The following MICU1 variants were observed in gnomAD, a reference collection of about 807,000 sequenced individuals.
The protein encoded by MICU1 is mitochondrial calcium uptake 1.
Under a neutral mutation model 56.8 loss-of-function variants are expected in MICU1, and 45 were observed. The observed-to-expected ratio is 0.79, with a 90% CI of 0.62 to 1.02. The LOEUF is 1.02. Among genes scored for constraint, MICU1 ranks in the 50% least tolerant of loss-of-function variants. The probability of loss-of-function intolerance (pLI) is 0.00; values close to 1 mark genes in which losing one functional copy is unlikely to be tolerated. For synonymous variants in MICU1, 186 were observed against 195.1 expected (o/e 0.95, Z 0.39); for missense variants, 504 against 587.1 (o/e 0.86, Z 1.46).
intron 8 of MICU1, among the ~76,000 whole-genome samples, chr10:72,462,373 T>C (rs900693795): frequency 5.9e-5 from 9 of 152,064 alleles, no homozygotes; most frequent in African/African-American, 1.4e-4. Flanking sequence ...TTCTGACTTA[T>C]GATGGATTTA....
intron 1 of MICU1, among the ~76,000 whole-genome samples, chr10:72,598,830 C>G (rs1348288999): frequency 6.6e-6 from 1 of 152,054 alleles, no homozygotes; most frequent in Non-Finnish European, 1.5e-5. Flanking sequence ...AGCATTCTAC[C>G]AGCCCCATGA....
At chr10:72,388,470 C>A (rs888946252) in intron 10 of MICU1, among the ~76,000 whole-genome samples, 3 of 152,066 alleles carry the variant, frequency 2.0e-5, no homozygotes, top group Non-Finnish European at 4.4e-5. Flanking sequence ...CTATGCAGGA[C>A]AAGAAGCTAG....
intron 5 of MICU1, 167 bp from the exon 6 acceptor site, chr10:72,508,436 T>C (rs764255278): frequency 3.0e-5 from 12 of 402,900 alleles, no homozygotes; most frequent in Non-Finnish European, 4.9e-5. Context: ...TTCAAGATGA[T>C]GAAAATTTTA....
chr10:72,625,331 G>A (rs1433764739), intron 1 of MICU1, among the ~76,000 whole-genome samples: 1 of 152,128 alleles, frequency 6.6e-6, no homozygotes, highest in African/African-American at 2.4e-5. Flanking sequence ...TCAACCATAA[G>A]ATTACAGAGA....
chr10:72,419,602 A>G (rs915810017), intron 9 of MICU1, among the ~76,000 whole-genome samples: 1 of 152,236 alleles, frequency 6.6e-6, no homozygotes, highest in African/African-American at 2.4e-5. Context: ...CTATGCATGC[A>G]ACATTTCTTG....
At chr10:72,616,667 A>G (rs894156452) in intron 1 of MICU1, among the ~76,000 whole-genome samples, 1 of 150,910 alleles carries the variant, frequency 6.6e-6, no homozygotes, top group African/African-American at 2.4e-5. Flanking sequence ...AAAAAAAAAA[A>G]CACACTATTC....
chr10:72,446,735 A>G (rs912133366), intron 8 of MICU1, among the ~76,000 whole-genome samples: 1 of 152,200 alleles, frequency 6.6e-6, no homozygotes, highest in African/African-American at 2.4e-5. Context: ...TAATAAAATA[A>G]TAGTGTCTCA....
chr10:72,445,814 C>A (rs1339363463), intron 8 of MICU1, among the ~76,000 whole-genome samples: 1 of 152,172 alleles, frequency 6.6e-6, no homozygotes. Context: ...AGTATAAAAG[C>A]AGTACCTCCC....
At chr10:72,583,237 T>C (rs572243456) in intron 1 of MICU1, among the ~76,000 whole-genome samples, 57 of 150,610 alleles carry the variant, frequency 3.8e-4, no homozygotes, top group African/African-American at 1.3e-3. Flanking sequence ...TTACTTAGGG[T>C]AGGAAAGCGC....
Position 72,421,185 on chromosome 10 carries a change from C to T in MICU1, c.1071+2049G>A, listed in dbSNP as rs79032589. On this transcript the variant is annotated intron_variant, in intron 9 of 11. Coordinates refer to ENST00000361114, the MANE Select transcript of MICU1 (RefSeq NM_001195518.2). ...GATGAGGACTGACCTTTTAACTGGT[C>T]TCTGCTTCTGTTTGTTCATCTCTCT... Among the ~76,000 whole-genome samples, 1,547 of 151,518 alleles carry T rather than the reference C, an allele frequency of 0.01. 83 individuals carry two copies. In the South Asian group the frequency reaches 0.16, roughly 16 times the overall value.
At chr10:72,480,053 C>T (rs918898082) in intron 6 of MICU1, among the ~76,000 whole-genome samples, 1 of 152,096 alleles carries the variant, frequency 6.6e-6, no homozygotes, top group Non-Finnish European at 1.5e-5. Context: ...TCTCCAGCTA[C>T]TGTGTGAAGA....
At chr10:72,594,256 G>A (rs1841310489) in intron 1 of MICU1, among the ~76,000 whole-genome samples, 3 of 152,088 alleles carry the variant, frequency 2.0e-5, no homozygotes, top group Admixed American at 6.6e-5. Flanking sequence ...ATTCAATGAG[G>A]GAAAGGACAA....
chr10:72,408,232 CA>C (rs1193564331), intron 9 of MICU1, among the ~76,000 whole-genome samples, 195 bp from the exon 10 acceptor site: 1 of 152,184 alleles, frequency 6.6e-6, no homozygotes, highest in Non-Finnish European at 1.5e-5. Flanking sequence ...CTGAGAAAGG[CA>C]AACTGGCTAG....
At chr10:72,589,860 C>T (rs529877703) in intron 1 of MICU1, among the ~76,000 whole-genome samples, 1 of 152,176 alleles carries the variant, frequency 6.6e-6, no homozygotes, top group South Asian at 2.1e-4. Context: ...TTTATTAACG[C>T]CATATTTTGT....
intron 1 of MICU1, among the ~76,000 whole-genome samples, chr10:72,624,789 A>G (rs1842189544): frequency 6.6e-6 from 1 of 152,196 alleles, no homozygotes; most frequent in South Asian, 2.1e-4. Context: ...ACAATCAGGG[A>G]CAAACCAAGG....
At chr10:72,429,895 G>A (rs532209211) in intron 8 of MICU1, among the ~76,000 whole-genome samples, 6 of 152,130 alleles carry the variant, frequency 3.9e-5, no homozygotes, top group Non-Finnish European at 2.9e-5. Flanking sequence ...TTCAAAAACA[G>A]AGAAAAGTGA....
chr10:72,400,430 C>T (rs1354322977), intron 10 of MICU1, among the ~76,000 whole-genome samples: 1 of 152,036 alleles, frequency 6.6e-6, no homozygotes, highest in Non-Finnish European at 1.5e-5. Flanking sequence ...TAAAGAGGAA[C>T]TTATTAATTT....
intron 5 of MICU1, among the ~76,000 whole-genome samples, chr10:72,524,997 AATAGTTGCTTTGCCACTCATATTAATAT>A (rs1167906102): frequency 3.9e-5 from 6 of 152,182 alleles, no homozygotes; most frequent in Non-Finnish European, 7.4e-5. Flanking sequence ...CTTCATGGCA[AATAGTTGCTTTGCCACTCATATTAATAT>A]AGGCAATCAA....
intron 8 of MICU1, among the ~76,000 whole-genome samples, chr10:72,461,316 C>A (rs1472830087): frequency 3.6e-4 from 54 of 152,110 alleles, no homozygotes; most frequent in Non-Finnish European, 4.4e-5. Context: ...CTTGGGTATT[C>A]CACAACTGTA....
Sources: allele counts gnomAD v4.1 joint callset (sites outside exome capture counted in the v4.1 genomes callset), GRCh38; gene constraint gnomAD v4.1.1; transcripts MANE v1.5; gene names NCBI Gene and HGNC (gene_info 2026-07-23, HGNC 2026-07-21).